Variants in RPN2 observed in about 807,000 individuals in gnomAD.
RPN2 encodes the protein ribophorin II, also known as dolichyl-diphosphooligosaccharide--protein glycosyltransferase subunit 2.
Under a neutral mutation model 71.4 loss-of-function variants are expected in RPN2, and 29 were observed. The observed-to-expected ratio is 0.41, with a 90% CI of 0.30 to 0.55. The LOEUF (loss-of-function observed/expected upper bound fraction) is 0.55, where lower values mean the gene tolerates loss of function less well. RPN2 is among the 20% of genes least tolerant of loss of function. RPN2 has a pLI of 0.35. For missense variants in RPN2, 726 were observed against 774.1 expected (o/e 0.94, Z 0.74); for synonymous variants, 308 against 305.0 (o/e 1.01, Z -0.10).
chr20:37,207,402 G>A lies in RPN2; in HGVS notation c.820G>A (p.Val274Met), dbSNP rs556161042. ...TCGCTACCACGTGCCAGTTGTGGTT[G>A]TGCCTGAGGGCTCTGCTTCCGACAC... ...HNRYHVPVVV[V>M]PEGSASDTHE... The change falls in exon 7 of 17, where the codon GTG (valine) becomes ATG (methionine). Residue 274 changes from valine to methionine, a missense_variant. Coordinates refer to ENST00000237530, the MANE Select transcript of RPN2 (RefSeq NM_002951.5). 2.4e-5 allele frequency: 39 copies of A among 1,614,102 alleles called. No individual in the cohort carries two copies. The highest frequency in any genetic ancestry group is 3.1e-5 in the Non-Finnish European group (37 of 1,180,036).
chr20:37,229,672 T>C (rs917822294), intron 12 of RPN2, among the ~76,000 whole-genome samples: 1 of 152,236 alleles, frequency 6.6e-6, no homozygotes, highest in Non-Finnish European at 1.5e-5. Flanking sequence ...CACCAAGCTG[T>C]TTCTGATTGC....
At chr20:37,190,637 T>G (rs1037249890) in intron 2 of RPN2, among the ~76,000 whole-genome samples, 4 of 152,210 alleles carry the variant, frequency 2.6e-5, no homozygotes, top group Non-Finnish European at 5.9e-5. Context: ...TTGACATTTT[T>G]TTTTCAGACT....
At chr20:37,237,035 C>T (rs2068416224) in intron 16 of RPN2, among the ~76,000 whole-genome samples, 1 of 152,180 alleles carries the variant, frequency 6.6e-6, no homozygotes, top group Non-Finnish European at 1.5e-5. Flanking sequence ...TTCTCTGCTG[C>T]TACAGAGAAT....
At chr20:37,190,306 G>A (rs1285456678) in intron 2 of RPN2, among the ~76,000 whole-genome samples, 2 of 152,168 alleles carry the variant, frequency 1.3e-5, no homozygotes, top group African/African-American at 4.8e-5. Context: ...AGAGGCATCC[G>A]GCCAGCTGCC....
intron 9 of RPN2, among the ~76,000 whole-genome samples, chr20:37,218,091 T>G (rs900052669): frequency 1.3e-5 from 2 of 152,130 alleles, no homozygotes; most frequent in Non-Finnish European, 2.9e-5. Context: ...GGTATAATTC[T>G]CATACCATAA....
chr20:37,202,667 TA>T lies in RPN2; in HGVS notation c.480-1213del, dbSNP rs2067419142. Reference sequence around the variant, plus strand: ...TGTATACATCTATCATGTTCCATCTTAAAAAGCTTATCTTCCAGAATTATAG... The same window carrying T: ...TGTATACATCTATCATGTTCCATCTTAAAAGCTTATCTTCCAGAATTATAG... On this transcript the variant is annotated intron_variant, in intron 4 of 16. Coordinates refer to ENST00000237530, the MANE Select transcript of RPN2 (RefSeq NM_002951.5). Among the ~76,000 whole-genome samples, 5 of 152,312 alleles carry T rather than the reference TA, an allele frequency of 3.3e-5. No homozygotes were observed. The South Asian group carries it at 1.0e-3, about 32-fold the overall frequency.
chr20:37,211,501 C>T (rs982537909), intron 8 of RPN2, among the ~76,000 whole-genome samples: 2 of 151,212 alleles, frequency 1.3e-5, no homozygotes, highest in Non-Finnish European at 2.9e-5. Flanking sequence ...ATTAGCCAGA[C>T]GTGGTGGTGC....
intron 9 of RPN2, among the ~76,000 whole-genome samples, chr20:37,219,703 C>G: frequency 6.6e-6 from 1 of 152,290 alleles, no homozygotes; most frequent in East Asian, 1.9e-4. Context: ...CTTTTGGCTC[C>G]TACCCTTAGG....
At chr20:37,208,354 C>T (rs1267005859) in intron 7 of RPN2, among the ~76,000 whole-genome samples, 1 of 151,296 alleles carries the variant, frequency 6.6e-6, no homozygotes, top group Non-Finnish European at 1.5e-5. Context: ...ATAGAGAAGT[C>T]TTGCATCTAA....
intron 13 of RPN2, among the ~76,000 whole-genome samples, chr20:37,231,578 G>C (rs2068247846): frequency 1.3e-5 from 2 of 152,028 alleles, no homozygotes; most frequent in African/African-American, 4.8e-5. Flanking sequence ...TGGGTGTGGT[G>C]GCGCGTACCT....
chr20:37,188,152 CATT>C (rs2067054036), intron 2 of RPN2, among the ~76,000 whole-genome samples: 1 of 152,036 alleles, frequency 6.6e-6, no homozygotes, highest in South Asian at 2.1e-4. Flanking sequence ...TTTCTGCTAT[CATT>C]GTCATACTTT....
At chr20:37,223,343 A>T (rs2146660308) in intron 9 of RPN2, among the ~76,000 whole-genome samples, 1 of 152,342 alleles carries the variant, frequency 6.6e-6, no homozygotes, top group East Asian at 1.9e-4. Flanking sequence ...CCTGAGCTTG[A>T]CACTGGCCTG....
rs1269913689 is a variant in RPN2, at chr20:37,224,903, A to G, written c.1185-785A>G. 3.9e-5 allele frequency among the ~76,000 whole-genome samples: 6 copies of G among 152,314 alleles called. No individual in the cohort carries two copies. In the East Asian group the frequency reaches 1.2e-3, roughly 29 times the overall value. On this transcript the variant is annotated intron_variant, in intron 10 of 16. Transcript: ENST00000237530. ...GGCTATTTTTGTAGTGATATTGGAG[A>G]TAAGAGCACTGTTTAAGAATCCACT...
chr20:37,229,259 G>A (rs79126394), intron 12 of RPN2, among the ~76,000 whole-genome samples: 6,403 of 152,318 alleles, frequency 0.042, 196 homozygotes, highest in South Asian at 0.085. Context: ...CCTCACTTTG[G>A]ATTGGCGTGA....
intron 1 of RPN2, 140 bp downstream of exon 1, chr20:37,179,509 G>T: frequency 1.3e-5 from 18 of 1,359,032 alleles, no homozygotes; most frequent in Non-Finnish European, 1.7e-5. Flanking sequence ...GGGCGCTCTC[G>T]GATCGAGGGT....
chr20:37,218,595 T>C (rs2067876422), intron 9 of RPN2, among the ~76,000 whole-genome samples: 1 of 152,066 alleles, frequency 6.6e-6, no homozygotes, highest in Non-Finnish European at 1.5e-5. Context: ...GTTTTTAGTA[T>C]TTTCACAGAC....
At chr20:37,219,871 T>C (rs1287200909) in intron 9 of RPN2, among the ~76,000 whole-genome samples, 2 of 152,180 alleles carry the variant, frequency 1.3e-5, no homozygotes, top group Admixed American at 1.3e-4. Flanking sequence ...TGACAATAAA[T>C]GTAAGGGTTG....
At chr20:37,232,240 G>A in intron 13 of RPN2, 56 bp from the exon 14 acceptor site, 1 of 1,593,818 alleles carries the variant, frequency 6.3e-7, no homozygotes, top group Non-Finnish European at 8.6e-7. Context: ...GGTATACATG[G>A]CTGCCCCTAC....
intron 9 of RPN2, among the ~76,000 whole-genome samples, chr20:37,222,593 G>A (rs765630): frequency 0.79 from 119,534 of 152,130 alleles, 47,573 homozygotes; most frequent in Middle Eastern, 0.88. Flanking sequence ...AAAACTGCCA[G>A]AGCTATCCTT....
Sources: allele counts gnomAD v4.1 joint callset (sites outside exome capture counted in the v4.1 genomes callset), GRCh38; gene constraint gnomAD v4.1.1; transcripts MANE v1.5; gene names NCBI Gene and HGNC (gene_info 2026-07-23, HGNC 2026-07-21).